Variants in RBMS3 observed in about 807,000 individuals in gnomAD.
RBMS3 encodes the protein RNA-binding motif, single-stranded-interacting protein 3.
RBMS3 carries 27 observed loss-of-function variants against 66.8 expected under a neutral mutation model. That is an observed-to-expected ratio of 0.40 (90% CI 0.30 to 0.56). The LOEUF (loss-of-function observed/expected upper bound fraction) is 0.56, where lower values mean the gene tolerates loss of function less well. Ranked by LOEUF, RBMS3 falls within the 20% of genes least tolerant of loss-of-function variation. The probability of loss-of-function intolerance (pLI) is 0.40; values close to 1 mark genes in which losing one functional copy is unlikely to be tolerated. For synonymous variants in RBMS3, 188 were observed against 183.0 expected, an observed-to-expected ratio of 1.03 and a Z score of -0.22; for missense variants, 513 against 549.5, an observed-to-expected ratio of 0.93 and a Z score of 0.66.
At chr3:29,492,106 G>C (rs1363529208) in intron 3 of RBMS3, among the ~76,000 whole-genome samples, 1 of 152,142 alleles carries the variant, frequency 6.6e-6, no homozygotes, top group Non-Finnish European at 1.5e-5. Flanking sequence ...CCATTGCCTT[G>C]CTTATCCTCA....
At chr3:29,537,083 T>C (rs949763746) in intron 3 of RBMS3, among the ~76,000 whole-genome samples, 3 of 152,182 alleles carry the variant, frequency 2.0e-5, no homozygotes, top group Admixed American at 6.5e-5. Flanking sequence ...CCAAACTGAT[T>C]TTTTCAAATA....
At chr3:29,869,054 A>G in intron 7 of RBMS3, 90 bp downstream of exon 7, 3 of 1,045,060 alleles carry the variant, frequency 2.9e-6, no homozygotes, top group Non-Finnish European at 4.1e-6. Flanking sequence ...CCATGATGAA[A>G]TTGGGTCCCA....
At chr3:29,720,713 T>C (rs1049504814) in intron 4 of RBMS3, among the ~76,000 whole-genome samples, 10 of 151,452 alleles carry the variant, frequency 6.6e-5, no homozygotes, top group Non-Finnish European at 1.3e-4. Context: ...TGTGTGTGTG[T>C]GTGAGTGTGT....
chr3:29,686,368 T>C (rs962743762), intron 4 of RBMS3, among the ~76,000 whole-genome samples: 1 of 152,148 alleles, frequency 6.6e-6, no homozygotes. Context: ...TGATAGCATA[T>C]CATGGACAGT....
chr3:29,286,432 G>A (rs1257123645), intron 1 of RBMS3, among the ~76,000 whole-genome samples: 1 of 151,958 alleles, frequency 6.6e-6, no homozygotes, highest in Non-Finnish European at 1.5e-5. Context: ...CTTAAAAGGA[G>A]TAGAAACGTA....
At chr3:29,528,665 A>C (rs2045231484) in intron 3 of RBMS3, among the ~76,000 whole-genome samples, 1 of 152,154 alleles carries the variant, frequency 6.6e-6, no homozygotes, top group Non-Finnish European at 1.5e-5. Context: ...TTTTGTTTAG[A>C]GATTTAAAAC....
At chr3:29,475,980 C>T (rs1407120473) in intron 2 of RBMS3, among the ~76,000 whole-genome samples, 1 of 152,158 alleles carries the variant, frequency 6.6e-6, no homozygotes, top group African/African-American at 2.4e-5. Context: ...GCCCATGACC[C>T]TCCTAAATGG....
intron 10 of RBMS3, among the ~76,000 whole-genome samples, chr3:29,911,930 T>G (rs1397796045): frequency 6.6e-6 from 1 of 152,014 alleles, no homozygotes; most frequent in Admixed American, 6.6e-5. Context: ...GTAAAACAAG[T>G]TCATCAGGTT....
chr3:29,467,296 A>T (rs1216620298), intron 2 of RBMS3, among the ~76,000 whole-genome samples: 1 of 152,200 alleles, frequency 6.6e-6, no homozygotes, highest in Non-Finnish European at 1.5e-5. Flanking sequence ...TAGCTACTTC[A>T]GTTTTAGTAA....
chr3:29,778,185 C>A (rs2056491305), intron 6 of RBMS3, among the ~76,000 whole-genome samples: 1 of 151,870 alleles, frequency 6.6e-6, no homozygotes, highest in African/African-American at 2.4e-5. Context: ...ACTCTATATT[C>A]TTTTGGCTTC....
chr3:29,694,637 A>T (rs2052181301), intron 4 of RBMS3, among the ~76,000 whole-genome samples: 1 of 152,154 alleles, frequency 6.6e-6, no homozygotes, highest in African/African-American at 2.4e-5. Context: ...TCCAATTAAT[A>T]TAGGAAGTTT....
intron 2 of RBMS3, among the ~76,000 whole-genome samples, chr3:29,483,870 A>T (rs139779592): frequency 2.0e-4 from 31 of 152,318 alleles, no homozygotes; most frequent in African/African-American, 7.5e-4. Context: ...GTAAGGTATT[A>T]GCCCGAAATA....
At chr3:29,689,020 A>G (rs2051858923) in intron 4 of RBMS3, among the ~76,000 whole-genome samples, 1 of 152,118 alleles carries the variant, frequency 6.6e-6, no homozygotes, top group Admixed American at 6.6e-5. Context: ...AACCTGTACC[A>G]AAATTCCTAG....
intron 4 of RBMS3, among the ~76,000 whole-genome samples, chr3:29,595,990 C>T (rs1176719730): frequency 1.3e-5 from 2 of 152,148 alleles, no homozygotes; most frequent in African/African-American, 4.8e-5. Context: ...CTCTCAAACT[C>T]ACAAGACCGG....
At position 29,393,581 on chromosome 3, in the gene RBMS3, C is replaced by T. The variant is rs577953302; in HGVS notation, c.76-41162C>T. On this transcript the variant is annotated intron_variant, in intron 1 of 14. Coordinates refer to ENST00000383767, the MANE Select transcript of RBMS3 (RefSeq NM_001003793.3). Reference sequence around the variant, plus strand: ...CTTATGACATAGGACAAAAACTCTACTGATTCTATTAAAATATAAGTCAGG... The same window carrying T: ...CTTATGACATAGGACAAAAACTCTATTGATTCTATTAAAATATAAGTCAGG... Among the ~76,000 whole-genome samples the T allele has an allele frequency of 3.9e-5, 6 of 152,288 alleles. No individual in the cohort carries two copies. In the South Asian group the frequency reaches 1.2e-3, roughly 32 times the overall value.
At chr3:29,370,175 C>A (rs2038125918) in intron 1 of RBMS3, among the ~76,000 whole-genome samples, 1 of 152,148 alleles carries the variant, frequency 6.6e-6, no homozygotes, top group Non-Finnish European at 1.5e-5. Context: ...TTCTCTATCA[C>A]TTTCCTGAGG....
rs139721870 is a variant in RBMS3, at chr3:29,829,557, T to C, written c.638-39301T>C. ...GTCTTCTTTTATCTTCAATACGTAG[T>C]GGAATATTGTGAAATAGCTGAAGCA... On this transcript the variant is annotated intron_variant, in intron 6 of 14. Coordinates refer to ENST00000383767, the MANE Select transcript of RBMS3 (RefSeq NM_001003793.3). 2.6e-5 allele frequency among the ~76,000 whole-genome samples: 4 copies of C among 152,278 alleles called. No homozygotes were observed. The East Asian group carries it at 7.7e-4, about 29-fold the overall frequency.
chr3:29,760,984 A>G (rs544766684), intron 5 of RBMS3, among the ~76,000 whole-genome samples: 1 of 152,184 alleles, frequency 6.6e-6, no homozygotes, highest in South Asian at 2.1e-4. Context: ...TCACCTGATG[A>G]TATACATACT....
intron 3 of RBMS3, among the ~76,000 whole-genome samples, chr3:29,575,045 A>G (rs1490227984): frequency 6.6e-6 from 1 of 152,106 alleles, no homozygotes; most frequent in Non-Finnish European, 1.5e-5. Flanking sequence ...TTATAGTGTT[A>G]TACAATTCTG....
Sources: allele counts gnomAD v4.1 joint callset (sites outside exome capture counted in the v4.1 genomes callset), GRCh38; gene constraint gnomAD v4.1.1; transcripts MANE v1.5; gene names NCBI Gene and HGNC (gene_info 2026-07-23, HGNC 2026-07-21).